ULK4: variants seen among roughly 807,000 people sequenced by gnomAD.
ULK4 encodes inactive serine/threonine-protein kinase ULK4.
ULK4 carries 133 observed loss-of-function variants against 160.6 expected under a neutral mutation model. The ratio of observed to expected loss-of-function variants is 0.83; its 90% CI spans 0.72 to 0.96. The LOEUF is 0.96. Ranked by LOEUF, ULK4 falls within the 40% of genes least tolerant of loss-of-function variation. The probability of loss-of-function intolerance (pLI) is 0.00; values close to 1 mark genes in which losing one functional copy is unlikely to be tolerated. For missense variants in ULK4, 1,580 were observed against 1,499.5 expected (o/e 1.05, Z -0.89); for synonymous variants, 534 against 539.8 (o/e 0.99, Z 0.15).
In ULK4 at chr3:41,928,866, A is replaced by G. The variant is rs1451752672; in HGVS notation, c.541+2978T>C. Among the ~76,000 whole-genome samples the G allele has an allele frequency of 2.6e-5, 4 of 152,132 alleles. No homozygotes were observed. The South Asian group carries it at 8.3e-4, about 31-fold the overall frequency. On this transcript the variant is annotated intron_variant, in intron 5 of 36. Transcript: ENST00000301831. ...TAATTAATAGCCTACCAATCAAAAA[A>G]TGTCCAGGACCAGAAAGATTCACAG...
At chr3:41,935,993 G>T in intron 3 of ULK4, 53 bp from the exon 4 acceptor site, 1 of 1,510,074 alleles carries the variant, frequency 6.6e-7, no homozygotes, top group Non-Finnish European at 8.9e-7. Flanking sequence ...ATCACAGAGT[G>T]CCCCTGAGAG....
chr3:41,760,745 T>A (rs1447836138), intron 21 of ULK4, among the ~76,000 whole-genome samples: 1 of 152,240 alleles, frequency 6.6e-6, no homozygotes, highest in Non-Finnish European at 1.5e-5. Context: ...ATTATTTATA[T>A]ACAAATATTA....
chr3:41,768,593 C>A (rs578080412), intron 21 of ULK4, among the ~76,000 whole-genome samples: 1 of 152,288 alleles, frequency 6.6e-6, no homozygotes, highest in Non-Finnish European at 1.5e-5. Flanking sequence ...GAGTTCTCAG[C>A]AAACAGCTTG....
chr3:41,678,527 C>T (rs1232151170), intron 29 of ULK4, among the ~76,000 whole-genome samples: 1 of 152,166 alleles, frequency 6.6e-6, no homozygotes, highest in African/African-American at 2.4e-5. Context: ...AAAGAGATGG[C>T]GAGAAAGACA....
intron 22 of ULK4, among the ~76,000 whole-genome samples, chr3:41,753,991 T>A (rs2038711380): frequency 6.6e-6 from 1 of 152,090 alleles, no homozygotes; most frequent in Admixed American, 6.5e-5. Context: ...CCATCAGATG[T>A]GGTGAGACTC....
At chr3:41,878,413 A>G (rs1459135845) in intron 17 of ULK4, among the ~76,000 whole-genome samples, 8 of 152,158 alleles carry the variant, frequency 5.3e-5, no homozygotes, top group Admixed American at 3.3e-4. Context: ...ATATAAAATC[A>G]ATCTCACTAG....
intron 2 of ULK4, among the ~76,000 whole-genome samples, chr3:41,946,557 A>C (rs1437527354): frequency 6.6e-6 from 1 of 152,212 alleles, no homozygotes; most frequent in Non-Finnish European, 1.5e-5. Context: ...TAACACCTGC[A>C]CTAAATATTC....
chr3:41,395,401 A>G (rs1165142893), intron 35 of ULK4, among the ~76,000 whole-genome samples: 2 of 152,128 alleles, frequency 1.3e-5, no homozygotes, highest in East Asian at 3.9e-4. Flanking sequence ...TGGATAACAC[A>G]TTTTTAAAAT....
intron 17 of ULK4, 47 bp from the exon 18 acceptor site, chr3:41,836,018 T>G: frequency 2.3e-6 from 3 of 1,305,352 alleles, no homozygotes; most frequent in Non-Finnish European, 3.3e-6. Flanking sequence ...AATGTATCTC[T>G]CAGTTCTTAA....
At chr3:41,736,588 A>T (rs1394651042) in intron 22 of ULK4, among the ~76,000 whole-genome samples, 3 of 151,812 alleles carry the variant, frequency 2.0e-5, no homozygotes, top group Non-Finnish European at 2.9e-5. Flanking sequence ...GATTCTGGAT[A>T]TTAGCCCTTT....
intron 21 of ULK4, among the ~76,000 whole-genome samples, chr3:41,773,415 T>C (rs912421249): frequency 6.6e-5 from 10 of 152,178 alleles, no homozygotes; most frequent in African/African-American, 1.9e-4. Flanking sequence ...CAGGCATTCT[T>C]ATACACCAAC....
In ULK4 at chr3:41,353,573, C is replaced by A. The variant is rs540265919; in HGVS notation, c.3678+44506G>T. Among the ~76,000 whole-genome samples the A allele has an allele frequency of 4.6e-5, 7 of 152,008 alleles. No homozygotes were observed. The South Asian group carries it at 1.5e-3, about 32-fold the overall frequency. On this transcript the variant is annotated intron_variant, in intron 35 of 36. Coordinates refer to ENST00000301831, the MANE Select transcript of ULK4 (RefSeq NM_017886.4). ...GTCCTAGCTCCTCAGTAGGATGAGGCAGGAGGATCACCTGAGCCCAGGAGT... is the reference window on the plus strand; with the variant it reads ...GTCCTAGCTCCTCAGTAGGATGAGGAAGGAGGATCACCTGAGCCCAGGAGT...
At chr3:41,618,687 C>T (rs763653766) in intron 30 of ULK4, among the ~76,000 whole-genome samples, 1 of 152,096 alleles carries the variant, frequency 6.6e-6, no homozygotes, top group Non-Finnish European at 1.5e-5. Context: ...AATATAAAGA[C>T]CAATGACACT....
At chr3:41,877,605 C>A (rs1697356787) in intron 17 of ULK4, among the ~76,000 whole-genome samples, 1 of 152,036 alleles carries the variant, frequency 6.6e-6, no homozygotes, top group African/African-American at 2.4e-5. Flanking sequence ...GTATTACAGG[C>A]ATGAGCCACC....
intron 29 of ULK4, among the ~76,000 whole-genome samples, chr3:41,666,126 C>A (rs1575547148): frequency 6.6e-6 from 1 of 152,156 alleles, no homozygotes; most frequent in African/African-American, 2.4e-5. Context: ...GAGAAGCTCA[C>A]CTGAGCCTTG....
intron 32 of ULK4, among the ~76,000 whole-genome samples, chr3:41,522,467 A>C (rs2085966514): frequency 6.6e-6 from 1 of 152,172 alleles, no homozygotes. Flanking sequence ...TTACATTAAA[A>C]AAACACCTTT....
chr3:41,247,911 T>C (rs1360310581), intron 36 of ULK4, among the ~76,000 whole-genome samples: 1 of 152,240 alleles, frequency 6.6e-6, no homozygotes, highest in Non-Finnish European at 1.5e-5. Flanking sequence ...TAAGGCAATC[T>C]GAACAAAGTC....
intron 18 of ULK4, among the ~76,000 whole-genome samples, chr3:41,834,491 C>A (rs1424401930): frequency 6.6e-6 from 1 of 152,136 alleles, no homozygotes; most frequent in Non-Finnish European, 1.5e-5. Flanking sequence ...ATTGGACAAG[C>A]TGATTCTAAA....
chr3:41,654,634 A>G (rs953649983), intron 30 of ULK4, among the ~76,000 whole-genome samples: 4 of 152,208 alleles, frequency 2.6e-5, no homozygotes, highest in Non-Finnish European at 5.9e-5. Flanking sequence ...AGACTGATAA[A>G]AGAAGCAAAA....
Sources: allele counts gnomAD v4.1 joint callset (sites outside exome capture counted in the v4.1 genomes callset), GRCh38; gene constraint gnomAD v4.1.1; transcripts MANE v1.5; gene names NCBI Gene and HGNC (gene_info 2026-07-23, HGNC 2026-07-21).